The following TMEM132C variants were observed in gnomAD, a reference collection of about 807,000 sequenced individuals.
TMEM132C encodes transmembrane protein 132C.
In TMEM132C, 29 loss-of-function variants were observed where a neutral mutation model predicts 61.4. The ratio of observed to expected loss-of-function variants is 0.47; its 90% confidence interval spans 0.35 to 0.64. The LOEUF is 0.64. Among genes scored for constraint, TMEM132C ranks in the 30% least tolerant of loss-of-function variants. The pLI, the probability that TMEM132C is intolerant of heterozygous loss-of-function variation, is 0.00. For synonymous variants in TMEM132C, 656 were observed against 633.1 expected (o/e 1.04, Z -0.54); for missense variants, 1,408 against 1,476.9 (o/e 0.95, Z 0.76).
At chr12:128,443,436 A>G (rs1040465324) in intron 2 of TMEM132C, among the ~76,000 whole-genome samples, 1 of 152,210 alleles carries the variant, frequency 6.6e-6, no homozygotes, top group Admixed American at 6.5e-5. Context: ...ATTAATAAAA[A>G]TGTTTAAAAG....
intron 2 of TMEM132C, among the ~76,000 whole-genome samples, chr12:128,540,991 G>GTT (rs1555230901): frequency 6.2e-5 from 6 of 97,452 alleles, no homozygotes; most frequent in Admixed American, 3.0e-4. Context: ...CTGTCTGTAT[G>GTT]TCTCTGTCTG....
At position 128,325,261 on chromosome 12, in the gene TMEM132C, T is replaced by A. The variant is rs553833091; in HGVS notation, c.85+57774T>A. On this transcript the variant is annotated intron_variant, in intron 1 of 8. Transcript: ENST00000435159. ...ACTAATAGCAGATCCCTAAATTCAA[T>A]GCCCAGAATCCTCTTGGAAGTTTCA... is the stretch of plus-strand genomic sequence containing the variant. Among the ~76,000 whole-genome samples, 128 of 152,300 alleles carry A rather than the reference T, an allele frequency of 8.4e-4. 1 individual carries two copies. Among genetic ancestry groups the A allele is most frequent in the South Asian group, 1.7e-3 (8 of 4,818 alleles).
At chr12:128,376,105 G>T (rs1423936497) in intron 1 of TMEM132C, among the ~76,000 whole-genome samples, 1 of 152,200 alleles carries the variant, frequency 6.6e-6, no homozygotes, top group Non-Finnish European at 1.5e-5. Context: ...AGATAGTGAT[G>T]ACTTTGCAGC....
intron 1 of TMEM132C, among the ~76,000 whole-genome samples, chr12:128,294,889 TG>T (rs1871354321): frequency 6.7e-6 from 1 of 149,478 alleles, no homozygotes; most frequent in African/African-American, 2.5e-5. Flanking sequence ...ACAGCCATTT[TG>T]TAGTCAGATT....
intron 2 of TMEM132C, chr12:128,438,973 T>A (rs1018893853): frequency 6.6e-6 from 1 of 152,216 alleles, no homozygotes. Flanking sequence ...GTGCCCCTCA[T>A]TCAGTAGCAG....
chr12:128,657,975 G>A (rs1160600249), intron 4 of TMEM132C, among the ~76,000 whole-genome samples: 1 of 152,226 alleles, frequency 6.6e-6, no homozygotes, highest in Admixed American at 6.5e-5. Context: ...TTTCACAGAT[G>A]AGGAAAGCAA....
At chr12:128,318,812 A>G (rs544452248) in intron 1 of TMEM132C, among the ~76,000 whole-genome samples, 2 of 152,342 alleles carry the variant, frequency 1.3e-5, no homozygotes, top group South Asian at 4.1e-4. Flanking sequence ...TTGAACTGGC[A>G]TATGCTTTCA....
intron 1 of TMEM132C, among the ~76,000 whole-genome samples, chr12:128,282,555 T>C (rs565070919): frequency 1.2e-4 from 19 of 152,304 alleles, no homozygotes; most frequent in Middle Eastern, 3.4e-3. Flanking sequence ...CTCCTCATGA[T>C]CCAGTCACCT....
chr12:128,590,812 C>T (rs568656844), intron 3 of TMEM132C, among the ~76,000 whole-genome samples: 38 of 152,166 alleles, frequency 2.5e-4, no homozygotes, highest in Admixed American at 1.2e-3. Flanking sequence ...GGGCCTCGCT[C>T]TGTCACCAGG....
intron 2 of TMEM132C, among the ~76,000 whole-genome samples, chr12:128,485,939 C>T (rs149944320): frequency 1.2e-4 from 19 of 152,254 alleles, no homozygotes; most frequent in East Asian, 3.9e-4. Flanking sequence ...GTTTACAGCA[C>T]GTAACGCTTC....
At position 128,274,114 on chromosome 12, in the gene TMEM132C, T is replaced by C. The variant is rs114764953; in HGVS notation, c.85+6627T>C. Among the ~76,000 whole-genome samples the C allele has an allele frequency of 4.9e-3, 740 of 152,170 alleles. 9 individuals carry two copies. Among genetic ancestry groups the C allele is most frequent in the African/African-American group, 0.017 (705 of 41,506 alleles). ...AATGTGAAATACAACCCATCTGGAG[T>C]CTAAATCAGCAAAATTTCCAAGACA... On this transcript the variant is annotated intron_variant, in intron 1 of 8. Transcript: ENST00000435159.
intron 2 of TMEM132C, chr12:128,438,740 A>T (rs1261140979): frequency 6.6e-6 from 1 of 152,180 alleles, no homozygotes; most frequent in Non-Finnish European, 1.5e-5. Flanking sequence ...AGAAAATCTC[A>T]TACCCTAAGT....
chr12:128,612,081 T>G (rs1876654327), intron 3 of TMEM132C, among the ~76,000 whole-genome samples: 1 of 152,224 alleles, frequency 6.6e-6, no homozygotes, highest in South Asian at 2.1e-4. Flanking sequence ...ACAAGGGCAT[T>G]GGTTCTGTAT....
intron 2 of TMEM132C, among the ~76,000 whole-genome samples, chr12:128,540,398 C>T (rs969123583): frequency 2.0e-5 from 3 of 152,122 alleles, no homozygotes; most frequent in Non-Finnish European, 2.9e-5. Context: ...GGACTACAGG[C>T]ATGCACCACC....
intron 4 of TMEM132C, among the ~76,000 whole-genome samples, chr12:128,644,287 G>A (rs1954179573): frequency 6.6e-6 from 1 of 152,182 alleles, no homozygotes; most frequent in Admixed American, 6.5e-5. Context: ...GATAGGAAGG[G>A]AAATGTTATC....
intron 2 of TMEM132C, among the ~76,000 whole-genome samples, chr12:128,468,886 TTAAA>T (rs1008905808): frequency 1.3e-3 from 197 of 152,326 alleles, no homozygotes; most frequent in African/African-American, 4.4e-3. Context: ...GTTTAAAATA[TTAAA>T]TAACAGTATA....
At chr12:128,448,748 A>G (rs1870077862) in intron 2 of TMEM132C, among the ~76,000 whole-genome samples, 1 of 152,118 alleles carries the variant, frequency 6.6e-6, no homozygotes, top group South Asian at 2.1e-4. Context: ...AATCTACCAT[A>G]AGGGATAACC....
rs537925593 is a variant in TMEM132C at position 128,571,399 on chromosome 12, T to C, written c.1121+27296T>C. 2.0e-5 allele frequency among the ~76,000 whole-genome samples: 3 copies of C among 152,332 alleles called. No individual in the cohort carries two copies. The South Asian group carries it at 6.2e-4, about 32-fold the overall frequency. Reference sequence around the variant, plus strand: ...TGAATATTTTTATTGTGGTAAAATATACATAACATAAAATTGACCATTTTA... The same window carrying C: ...TGAATATTTTTATTGTGGTAAAATACACATAACATAAAATTGACCATTTTA... On this transcript the variant is annotated intron_variant, in intron 3 of 8. Coordinates refer to ENST00000435159, the MANE Select transcript of TMEM132C (RefSeq NM_001136103.3).
At chr12:128,598,427 C>T (rs772031710) in intron 3 of TMEM132C, among the ~76,000 whole-genome samples, 18 of 152,146 alleles carry the variant, frequency 1.2e-4, no homozygotes, top group South Asian at 2.1e-4. Context: ...CAGAGTGAGA[C>T]ATGGTCTCAA....
Sources: allele counts gnomAD v4.1 joint callset (sites outside exome capture counted in the v4.1 genomes callset), GRCh38; gene constraint gnomAD v4.1.1; transcripts MANE v1.5; gene names NCBI Gene and HGNC (gene_info 2026-07-23, HGNC 2026-07-21).